Variants in FBXW11 observed in about 807,000 individuals in gnomAD.
FBXW11 encodes F-box and WD repeat domain containing 11.
Under a neutral mutation model 77.6 loss-of-function variants are expected in FBXW11, and 19 were observed. The observed-to-expected ratio is 0.24, with a 90% CI of 0.17 to 0.36. FBXW11 has a LOEUF of 0.36. Among genes scored for constraint, FBXW11 ranks in the 10% least tolerant of loss-of-function variants. The probability of loss-of-function intolerance (pLI) is 1.00; values close to 1 mark genes in which losing one functional copy is unlikely to be tolerated. For synonymous variants in FBXW11, 235 were observed against 249.4 expected, an observed-to-expected ratio of 0.94 and a Z score of 0.54; for missense variants, 334 against 704.2, an observed-to-expected ratio of 0.47 and a Z score of 5.95.
chr5:171,962,746 GC>G (rs889272082), intron 1 of FBXW11, among the ~76,000 whole-genome samples: 2 of 152,108 alleles, frequency 1.3e-5, no homozygotes, highest in Non-Finnish European at 1.5e-5. Flanking sequence ...GTGGTTGCAG[GC>G]ACCTTGTATT....
At chr5:171,899,186 G>A in intron 5 of FBXW11, 92 bp from the exon 6 acceptor site, 2 of 811,864 alleles carry the variant, frequency 2.5e-6, no homozygotes, top group Non-Finnish European at 3.9e-6. Flanking sequence ...TATCTTTCAT[G>A]TCTTTTAATT....
At chr5:171,995,225 A>G (rs994006040) in intron 1 of FBXW11, among the ~76,000 whole-genome samples, 4 of 152,208 alleles carry the variant, frequency 2.6e-5, no homozygotes, top group Non-Finnish European at 5.9e-5. Context: ...TACATAATGA[A>G]CTACTGAGCT....
chr5:171,976,374 A>G (rs905251711), intron 1 of FBXW11, among the ~76,000 whole-genome samples: 27 of 152,178 alleles, frequency 1.8e-4, no homozygotes, highest in African/African-American at 5.8e-4. Flanking sequence ...GCCTTTTGAT[A>G]TAAGATAGTA....
chr5:171,869,165 C>CA lies in FBXW11; in HGVS notation c.1531-370dup, dbSNP rs1218785589. Among the ~76,000 whole-genome samples, 1 of 152,216 alleles carries CA rather than the reference C, an allele frequency of 6.6e-6. No homozygotes were observed. Among genetic ancestry groups the CA allele is most frequent in the African/African-American group, 2.4e-5 (1 of 41,456 alleles). ...GTTTTAACATGACCAGGATCTACCTCAAATTGCTGCCAGCATCAAAATTCA... is the reference window on the plus strand; with the variant it reads ...GTTTTAACATGACCAGGATCTACCTCAAAATTGCTGCCAGCATCAAAATTCA... On this transcript the variant is annotated intron_variant, in intron 12 of 13. Coordinates refer to ENST00000517395, the MANE Select transcript of FBXW11 (RefSeq NM_001378974.1). This position sits in a 1 kb window ranked among gnomAD's most constrained non-coding sequence, Gnocchi z 4.1.
At chr5:171,889,820 G>A (rs898170046) in intron 7 of FBXW11, among the ~76,000 whole-genome samples, 4 of 152,050 alleles carry the variant, frequency 2.6e-5, no homozygotes, top group Non-Finnish European at 2.9e-5. Context: ...CCCGGGAGGC[G>A]GAGGTTGCAG....
intron 6 of FBXW11, 25 bp from the exon 7 acceptor site, chr5:171,891,629 T>A: frequency 6.2e-7 from 1 of 1,600,316 alleles, no homozygotes; most frequent in South Asian, 1.1e-5. Context: ...AGGCAAGAGA[T>A]GAGTTTTTAT....
chr5:171,898,923 C>A, intron 6 of FBXW11, 81 bp downstream of exon 6: 2 of 829,540 alleles, frequency 2.4e-6, no homozygotes, highest in South Asian at 4.8e-5. Context: ...CGATTTTAGA[C>A]CAAAAGAACA....
chr5:171,942,502 G>A (rs967154287), intron 2 of FBXW11, among the ~76,000 whole-genome samples: 1 of 152,142 alleles, frequency 6.6e-6, no homozygotes, highest in African/African-American at 2.4e-5. Context: ...TCATAAAAGC[G>A]ATTGCTGTTT....
chr5:171,902,015 T>C (rs1380761363), intron 4 of FBXW11, among the ~76,000 whole-genome samples: 1 of 152,156 alleles, frequency 6.6e-6, no homozygotes, highest in Non-Finnish European at 1.5e-5. Context: ...TACCTATTAT[T>C]ATAATATTTC....
At chr5:171,893,095 G>A (rs1272309181) in intron 6 of FBXW11, among the ~76,000 whole-genome samples, 1 of 152,070 alleles carries the variant, frequency 6.6e-6, no homozygotes, top group Non-Finnish European at 1.5e-5. Flanking sequence ...AGGAATCATT[G>A]TTCGCATTTT....
chr5:171,870,911 T>A, intron 10 of FBXW11, 53 bp from the exon 11 acceptor site: 2 of 1,294,334 alleles, frequency 1.5e-6, no homozygotes, highest in Non-Finnish European at 2.2e-6. Context: ...CGATTCACAC[T>A]ATCCGTAAGT....
chr5:171,951,408 T>C (rs765213389), intron 2 of FBXW11, among the ~76,000 whole-genome samples: 1 of 152,044 alleles, frequency 6.6e-6, no homozygotes, highest in East Asian at 1.9e-4. Flanking sequence ...TGGTGGCACA[T>C]GCCTGTGGTC....
chr5:171,870,058 T>C (rs569556437), intron 11 of FBXW11, among the ~76,000 whole-genome samples: 1 of 152,240 alleles, frequency 6.6e-6, no homozygotes, highest in East Asian at 1.9e-4. Flanking sequence ...CAACTTCAGG[T>C]TATCTAAATT....
chr5:171,976,317 C>T (rs909521412), intron 1 of FBXW11, among the ~76,000 whole-genome samples: 6 of 152,088 alleles, frequency 3.9e-5, no homozygotes, highest in African/African-American at 1.4e-4. Context: ...AAACAGAAAA[C>T]ACCAAGAGTT....
chr5:171,983,751 T>C (rs890890756), intron 1 of FBXW11, among the ~76,000 whole-genome samples: 1 of 152,132 alleles, frequency 6.6e-6, no homozygotes, highest in African/African-American at 2.4e-5. Flanking sequence ...ACAAGCAGTA[T>C]CTATTAAAGC....
rs62384576 is a variant in FBXW11, at chr5:171,996,103, C to T, written c.45+10355G>A. On this transcript the variant is annotated intron_variant, in intron 1 of 13. Transcript: ENST00000517395. ...GTAAAGTGCATACAAGGGTAACTGGCATGTAGCACTCGCTCTCAATAAGCA... is the reference window on the plus strand; with the variant it reads ...GTAAAGTGCATACAAGGGTAACTGGTATGTAGCACTCGCTCTCAATAAGCA... Among the ~76,000 whole-genome samples the T allele has an allele frequency of 3.2e-3, 490 of 152,318 alleles. 2 individuals carry two copies. Among genetic ancestry groups the T allele is most frequent in the Non-Finnish European group, 5.1e-3 (344 of 68,020 alleles).
At chr5:171,986,829 G>A (rs1031093532) in intron 1 of FBXW11, among the ~76,000 whole-genome samples, 6 of 152,148 alleles carry the variant, frequency 3.9e-5, no homozygotes, top group African/African-American at 1.4e-4. Context: ...CATAAAGCAG[G>A]GATCCCCAAC....
chr5:171,881,369 A>G (rs1042842210), intron 7 of FBXW11, among the ~76,000 whole-genome samples: 14 of 152,188 alleles, frequency 9.2e-5, no homozygotes, highest in African/African-American at 3.4e-4. Context: ...CTCTTTATCA[A>G]GTTAAGGAAG....
At chr5:171,898,867 C>T in intron 6 of FBXW11, 137 bp downstream of exon 6, 1 of 495,828 alleles carries the variant, frequency 2.0e-6, no homozygotes, top group South Asian at 3.8e-5. Flanking sequence ...CAACATGACA[C>T]ATTTACTCCA....
Sources: gnomAD v4.1 joint callset for allele counts (sites outside exome capture counted in the v4.1 genomes callset) on GRCh38, gnomAD v4.1.1 for gene constraint, Gnocchi (gnomAD v3.1) non-coding constraint, MANE v1.5 for transcripts, NCBI Gene and HGNC (gene_info 2026-07-23, HGNC 2026-07-21) for gene names.